NME7: variants seen among roughly 807,000 people sequenced by gnomAD.
NME7 encodes NME/NM23 family member 7.
Under a neutral mutation model 49.1 loss-of-function variants are expected in NME7, and 41 were observed. That is an observed-to-expected ratio of 0.83 (90% CI 0.65 to 1.08). NME7 has a LOEUF of 1.08. NME7 is among the 50% of genes least tolerant of loss of function. The pLI is 0.00. For synonymous variants in NME7, 139 were observed against 150.6 expected, an observed-to-expected ratio of 0.92 and a Z score of 0.56; for missense variants, 423 against 463.4, an observed-to-expected ratio of 0.91 and a Z score of 0.80.
chr1:169,177,604 C>T (rs146537868), intron 10 of NME7, among the ~76,000 whole-genome samples: 31 of 152,170 alleles, frequency 2.0e-4, no homozygotes, highest in Non-Finnish European at 4.0e-4. Context: ...GTGGCCAACA[C>T]AGCAAGACCC....
intron 10 of NME7, among the ~76,000 whole-genome samples, chr1:169,220,348 G>A (rs12116551): frequency 6.6e-6 from 1 of 151,934 alleles, no homozygotes; most frequent in East Asian, 1.9e-4. Context: ...ATTTTAAGAG[G>A]TATACAATTA....
chr1:169,303,689 T>A (rs1651063312), intron 4 of NME7, among the ~76,000 whole-genome samples: 1 of 152,120 alleles, frequency 6.6e-6, no homozygotes, highest in African/African-American at 2.4e-5. Context: ...TGACCTCAGG[T>A]GATCCACCCA....
intron 6 of NME7, among the ~76,000 whole-genome samples, chr1:169,289,813 C>T (rs545373472): frequency 7.2e-5 from 11 of 152,008 alleles, no homozygotes; most frequent in African/African-American, 1.9e-4. Context: ...CTTAGTGAAA[C>T]GTGAATAAGA....
At chr1:169,136,852 T>C (rs1457321813) in intron 11 of NME7, among the ~76,000 whole-genome samples, 1 of 152,252 alleles carries the variant, frequency 6.6e-6, no homozygotes, top group Non-Finnish European at 1.5e-5. Flanking sequence ...TTCATTAGTG[T>C]ATCAGACACT....
chr1:169,235,136 A>G lies in NME7; in HGVS notation c.883T>C (p.Tyr295His), dbSNP rs757054878. ...ACATTTACTTTTATACTTACATGAT[A>G]TTCGGTCACTACTCCTTTATAAACT... ...YEVYKGVVTE[Y>H]HDMVTEMYSG... Residue 295 changes from tyrosine (Y) to histidine (H), a missense_variant, in exon 9 of 12, where the codon TAT becomes CAT. Transcript: ENST00000367811. 1 of 1,504,804 alleles carries G rather than the reference A, an allele frequency of 6.6e-7. No individual in the cohort carries two copies. Among genetic ancestry groups the G allele is most frequent in the South Asian group, 1.2e-5 (1 of 85,262 alleles). 93.2% of individuals were successfully genotyped at this position (1,504,804 alleles called of 1,614,324 possible).
At chr1:169,281,890 G>A (rs1388056027) in intron 7 of NME7, among the ~76,000 whole-genome samples, 1 of 152,170 alleles carries the variant, frequency 6.6e-6, no homozygotes, top group African/African-American at 2.4e-5. Context: ...GTTCATCAGG[G>A]ATATTGGCCT....
At chr1:169,185,999 G>A (rs1660054459) in intron 10 of NME7, among the ~76,000 whole-genome samples, 1 of 151,982 alleles carries the variant, frequency 6.6e-6, no homozygotes, top group South Asian at 2.1e-4. Flanking sequence ...AATCTTCTGA[G>A]CATTCAAAAA....
rs1651914991 is a variant in NME7, at chr1:169,323,089, T to C, written c.278+28A>G. ...ACTTTGAACCCAAAGTTAGAGCATG[T>C]AAAAAGATTATATAATTGTTTTCTT... On this transcript the variant is annotated intron_variant, in intron 3 of 11. Coordinates refer to ENST00000367811, the MANE Select transcript of NME7 (RefSeq NM_013330.5). 5 of 1,490,964 alleles carry C rather than the reference T, an allele frequency of 3.4e-6. No homozygotes were observed. The East Asian group carries it at 7.5e-5, about 22-fold the overall frequency. The allele number at this position is 1,490,964 out of a possible 1,614,324, so 92.4% of individuals were successfully genotyped here.
At chr1:169,198,579 A>G (rs1331300540) in intron 10 of NME7, among the ~76,000 whole-genome samples, 2 of 152,134 alleles carry the variant, frequency 1.3e-5, no homozygotes, top group Non-Finnish European at 2.9e-5. Flanking sequence ...AACCTTAAAA[A>G]TATTATGCTA....
intron 1 of NME7, among the ~76,000 whole-genome samples, 193 bp downstream of exon 1, chr1:169,367,515 A>G (rs964492439): frequency 2.0e-5 from 3 of 152,232 alleles, no homozygotes; most frequent in Non-Finnish European, 4.4e-5. Flanking sequence ...TAGTAACATT[A>G]GTGGAATTCA....
intron 7 of NME7, among the ~76,000 whole-genome samples, chr1:169,257,331 G>T (rs1386643224): frequency 7.4e-6 from 1 of 134,374 alleles, no homozygotes; most frequent in Non-Finnish European, 1.8e-5. Flanking sequence ...GATTTTCCAG[G>T]TGCTGTCCGG....
At chr1:169,137,622 G>A (rs562177317) in intron 11 of NME7, among the ~76,000 whole-genome samples, 81 of 152,322 alleles carry the variant, frequency 5.3e-4, no homozygotes, top group African/African-American at 1.8e-3. Context: ...GCTACCAGTA[G>A]GGGATGCACA....
At chr1:169,150,582 A>G (rs1047167078) in intron 11 of NME7, among the ~76,000 whole-genome samples, 4 of 152,170 alleles carry the variant, frequency 2.6e-5, no homozygotes, top group African/African-American at 9.7e-5. Context: ...TTTTTAATAA[A>G]CAGTAGGCAA....
chr1:169,162,616 G>A (rs1346800547), intron 11 of NME7, among the ~76,000 whole-genome samples: 2 of 152,060 alleles, frequency 1.3e-5, no homozygotes, highest in Non-Finnish European at 2.9e-5. Flanking sequence ...GGCTAAGGCT[G>A]GAGAATTGCT....
At chr1:169,302,957 T>A (rs920490126) in intron 5 of NME7, 188 bp downstream of exon 5, 17 of 378,700 alleles carry the variant, frequency 4.5e-5, no homozygotes, top group African/African-American at 3.6e-4. Context: ...TTTTTAATGA[T>A]AAAATATAGG....
At chr1:169,327,399 G>T (rs1652097681) in intron 1 of NME7, among the ~76,000 whole-genome samples, 3 of 152,168 alleles carry the variant, frequency 2.0e-5, no homozygotes, top group African/African-American at 7.2e-5. Flanking sequence ...TAATAAAAGA[G>T]TTGATCCCTC....
At position 169,247,502 on chromosome 1, in the gene NME7, A is replaced by C. The variant is rs565937485; in HGVS notation, c.755-9815T>G. Among the ~76,000 whole-genome samples, 7 of 152,222 alleles carry C rather than the reference A, an allele frequency of 4.6e-5. No homozygotes were observed. In the East Asian group the frequency reaches 1.3e-3, roughly 29 times the overall value. On this transcript the variant is annotated intron_variant, in intron 7 of 11. Transcript: ENST00000367811. ...CAGTTTTTAAAATTTTTTTATTTCA[A>C]TAGTTTTTGGGGTACAAGTGGTTTT...
intron 7 of NME7, among the ~76,000 whole-genome samples, chr1:169,249,885 G>A (rs546288134): frequency 4.6e-5 from 7 of 151,900 alleles, no homozygotes; most frequent in African/African-American, 9.7e-5. Flanking sequence ...CTAGTATTTT[G>A]TTGAGGATTT....
At position 169,153,865 on chromosome 1, in the gene NME7, A is replaced by AT. The variant is rs34219745; in HGVS notation, c.1098+15581dup. Among the ~76,000 whole-genome samples, 142 of 145,764 alleles carry AT rather than the reference A, an allele frequency of 9.7e-4. 1 individual carries two copies. Among genetic ancestry groups the AT allele is most frequent in the African/African-American group, 1.7e-3 (67 of 39,548 alleles). On this transcript the variant is annotated intron_variant, in intron 11 of 11. Coordinates refer to ENST00000367811, the MANE Select transcript of NME7 (RefSeq NM_013330.5). The stretch of plus-strand genomic sequence containing the variant: ...AAACACCTGCCACCATGCTCGGCTA[A>AT]TTTTTTTTTTTTTTTTATTTTTTGT...
Sources: gnomAD v4.1 joint callset for allele counts (sites outside exome capture counted in the v4.1 genomes callset) on GRCh38, gnomAD v4.1.1 for gene constraint, MANE v1.5 for transcripts, NCBI Gene and HGNC (gene_info 2026-07-23, HGNC 2026-07-21) for gene names.